The following RBM28 variants were observed in gnomAD, a reference collection of about 807,000 sequenced individuals.
RBM28 encodes RNA binding motif protein 28, also known as RNA-binding protein 28.
A neutral mutation model predicts 98.3 loss-of-function variants in RBM28; 78 were observed. The observed-to-expected ratio is 0.79, with a 90% confidence interval of 0.66 to 0.96. The LOEUF (loss-of-function observed/expected upper bound fraction) is 0.96, where lower values mean the gene tolerates loss of function less well. RBM28 is among the 40% of genes least tolerant of loss of function. RBM28 has a pLI of 0.00. For missense variants in RBM28, 838 were observed against 913.0 expected (o/e 0.92, Z 1.06); for synonymous variants, 306 against 330.9 (o/e 0.92, Z 0.82).
At chr7:128,323,431 C>T (rs1796279021) in intron 13 of RBM28, 96 bp downstream of exon 13, 1 of 1,416,808 alleles carries the variant, frequency 7.1e-7, no homozygotes, top group Non-Finnish European at 1.0e-6. Flanking sequence ...TGTGACCATA[C>T]TGGGCTCTTT....
intron 18 of RBM28, among the ~76,000 whole-genome samples, chr7:128,311,240 C>T (rs1025714974): frequency 6.6e-6 from 1 of 152,158 alleles, no homozygotes; most frequent in Non-Finnish European, 1.5e-5. Context: ...TGAGTCAGCA[C>T]AGAGTCCGGC....
rs563317392 is a variant in RBM28 at position 128,323,879 on chromosome 7, C to A, written c.1340-288G>T. ...CATGCCCAAAGTCAGAAAGAAAGGCCTAGAAGAAGTATGGAACATAAGTAC... is the reference window on the plus strand; with the variant it reads ...CATGCCCAAAGTCAGAAAGAAAGGCATAGAAGAAGTATGGAACATAAGTAC... On this transcript the variant is annotated intron_variant, in intron 12 of 18. Coordinates refer to ENST00000223073, the MANE Select transcript of RBM28 (RefSeq NM_018077.3). Among the ~76,000 whole-genome samples, 103 of 152,312 alleles carry A rather than the reference C, an allele frequency of 6.8e-4. 1 individual carries two copies. Among genetic ancestry groups the A allele is most frequent in the Admixed American group, 1.2e-3 (18 of 15,300 alleles).
chr7:128,326,235 C>T (rs113198790), intron 10 of RBM28, among the ~76,000 whole-genome samples: 2,112 of 4,304 alleles, frequency 0.49, 54 homozygotes, highest in African/African-American at 0.51. Context: ...ACCTGGGAGG[C>T]GGAGTTGCAG....
intron 18 of RBM28, among the ~76,000 whole-genome samples, chr7:128,311,780 T>C (rs1445824564): frequency 6.6e-6 from 1 of 152,240 alleles, no homozygotes; most frequent in African/African-American, 2.4e-5. Flanking sequence ...ATCAAGCATT[T>C]ATCCTGTCTT....
At chr7:128,326,358 A>G (rs1011165190) in intron 10 of RBM28, among the ~76,000 whole-genome samples, 2 of 151,864 alleles carry the variant, frequency 1.3e-5, no homozygotes, top group African/African-American at 4.8e-5. Flanking sequence ...CGTTTTGGTC[A>G]GTGACAGACT....
rs1008080973 is a variant in RBM28, at chr7:128,302,907, G to C, written c.*7890C>G. 2 of 152,202 alleles carry C rather than the reference G, an allele frequency of 1.3e-5. No homozygotes were observed. Among genetic ancestry groups the C allele is most frequent in the Non-Finnish European group, 2.9e-5 (2 of 68,162 alleles). The allele number at this position is 152,202 out of a possible 1,614,324, so 9.4% of individuals were successfully genotyped here. A position where few individuals can be genotyped will look rare whatever the true frequency, so the allele number is the denominator to read the frequency against. Reference sequence around the variant, plus strand: ...CCTGCCCCAGCCTCCCGAGCAGCTGGGACTACAGTGCACACCACCACACAA... The same window carrying C: ...CCTGCCCCAGCCTCCCGAGCAGCTGCGACTACAGTGCACACCACCACACAA... On this transcript the variant is annotated 3_prime_UTR_variant, in exon 19 of 19. Coordinates refer to ENST00000223073, the MANE Select transcript of RBM28 (RefSeq NM_018077.3).
In RBM28 at chr7:128,314,921, C is replaced by T. The variant is rs1350378531; in HGVS notation, c.1888G>A (p.Glu630Lys). 6.2e-7 allele frequency: 1 copy of T among 1,614,198 alleles called. No homozygotes were observed. Among genetic ancestry groups the T allele is most frequent in the Non-Finnish European group, 8.5e-7 (1 of 1,180,036 alleles). The change falls in exon 17 of 19, where the codon GAA becomes AAA. Residue 630 changes from glutamate to lysine, a missense_variant. Physicochemically the swap from Glu to Lys is moderately conservative, Grantham distance 56. Coordinates refer to ENST00000223073, the MANE Select transcript of RBM28 (RefSeq NM_018077.3). ...QQKAAQHHTE[E>K]QSKVPPEQKR... ...TGCTCTGGGGGCACCTTGCTTTGTT[C>T]CTCTGTGTGGTGTTGAGCTGCCTTC...
intron 13 of RBM28, 146 bp downstream of exon 13, chr7:128,323,381 C>T (rs564982268): frequency 3.4e-6 from 3 of 888,360 alleles, no homozygotes; most frequent in South Asian, 2.7e-5. Context: ...TGCTATTTCA[C>T]CTATGTGCTT....
Position 128,307,645 on chromosome 7 carries a change from T to C in RBM28, c.*3152A>G, listed in dbSNP as rs533676844. The C allele has an allele frequency of 6.6e-6, 1 of 152,236 alleles. No individual in the cohort carries two copies. Among genetic ancestry groups the C allele is most frequent in the East Asian group, 1.9e-4 (1 of 5,186 alleles). 9.4% of individuals were successfully genotyped at this position (152,236 alleles called of 1,614,324 possible). ...GAGCAGATTCTTAGAAACTACAAAC[T>C]AACCAACAAACAAACAAATAAGGCA... is the stretch of plus-strand genomic sequence containing the variant. On this transcript the variant is annotated 3_prime_UTR_variant, in exon 19 of 19. Coordinates refer to ENST00000223073, the MANE Select transcript of RBM28 (RefSeq NM_018077.3).
At position 128,309,820 on chromosome 7, in the gene RBM28, A is replaced by G. The variant is rs183379606; in HGVS notation, c.*977T>C. ...AAAACTCTCCAGGCAAAGGGAACGG[A>G]TACAAAGGCTCTGAGGTGGTCAAGA... On this transcript the variant is annotated 3_prime_UTR_variant, in exon 19 of 19. Transcript: ENST00000223073. The G allele has an allele frequency of 6.6e-6, 1 of 152,340 alleles. No homozygotes were observed. The highest frequency in any genetic ancestry group is 2.4e-5 in the African/African-American group (1 of 41,534). 9.4% of individuals were successfully genotyped at this position (152,340 alleles called of 1,614,324 possible).
At position 128,335,933 on chromosome 7, in the gene RBM28, ATCATCATCATCG is replaced by A. The variant is rs764256480; in HGVS notation, c.711_722del (p.Asp238_Asp241del). On this transcript the variant is annotated inframe_deletion, in exon 7 of 19. Coordinates refer to ENST00000223073, the MANE Select transcript of RBM28 (RefSeq NM_018077.3). ...CATCATCAAAAACCCCATCTTCTTC[ATCATCATCATCG>A]TCATCATCATCGTTTTCTTCCTCTT... The A allele has an allele frequency of 3.1e-6, 5 of 1,601,156 alleles. No individual in the cohort carries two copies. The East Asian group carries it at 1.1e-4, about 36-fold the overall frequency.
chr7:128,319,444 A>C (rs755446991), intron 14 of RBM28, among the ~76,000 whole-genome samples: 1 of 152,362 alleles, frequency 6.6e-6, no homozygotes, highest in Non-Finnish European at 1.5e-5. Context: ...CCTCCCCTAT[A>C]ACCAGTAACA....
chr7:128,337,298 T>C (rs2402890), intron 5 of RBM28, 96 bp from the exon 6 acceptor site: 83,722 of 1,250,090 alleles, frequency 0.067, 3,465 homozygotes, highest in African/African-American at 0.15. Flanking sequence ...ATGGAACCAG[T>C]GGAGACAAAG....
Position 128,325,888 on chromosome 7 carries a change from CA to C in RBM28, c.1132del (p.Cys378ValfsTer7), listed in dbSNP as rs1236411614. Reference sequence around the variant, plus strand: ...TTGAGTCATGAACTGGGCAAATGCACAACCTGCACAAGGAGACACAATTCAG... The same window carrying C: ...TTGAGTCATGAACTGGGCAAATGCACACCTGCACAAGGAGACACAATTCAG... ...LHPDTEHSKG[C>X]AFAQFMTQEA... On this transcript the variant is annotated frameshift_variant and splice_region_variant, in exon 11 of 19. Coordinates refer to ENST00000223073, the MANE Select transcript of RBM28 (RefSeq NM_018077.3). LOFTEE classifies it high-confidence loss of function. The C allele has an allele frequency of 6.2e-7, 1 of 1,613,262 alleles. No homozygotes were observed. The highest frequency in any genetic ancestry group is 1.1e-5 in the South Asian group (1 of 91,068).
At chr7:128,329,955 T>G (rs1019779346) in intron 10 of RBM28, among the ~76,000 whole-genome samples, 3 of 128,372 alleles carry the variant, frequency 2.3e-5, no homozygotes, top group African/African-American at 9.0e-5. Flanking sequence ...ATAGGTGAAA[T>G]CAAAGATTAT....
chr7:128,327,140 G>GAAAGA (rs150430125), intron 10 of RBM28, among the ~76,000 whole-genome samples: 6 of 151,792 alleles, frequency 4.0e-5, no homozygotes, highest in Admixed American at 2.6e-4. Flanking sequence ...TCAAAAAAAA[G>GAAAGA]AAAGAAAAGA....
At chr7:128,318,837 C>T (rs972153963) in intron 14 of RBM28, among the ~76,000 whole-genome samples, 3 of 152,046 alleles carry the variant, frequency 2.0e-5, no homozygotes, top group African/African-American at 7.3e-5. Context: ...GATCTTACAA[C>T]TGAAAAAAGC....
In RBM28 at chr7:128,310,821, C is replaced by G; in HGVS notation, c.2256G>C (p.Lys752Asn). 1 of 1,614,200 alleles carries G rather than the reference C, an allele frequency of 6.2e-7. No individual in the cohort carries two copies. Among genetic ancestry groups the G allele is most frequent in the Non-Finnish European group, 8.5e-7 (1 of 1,180,038 alleles). Residue 752 changes from lysine to asparagine, a missense_variant, in exon 19 of 19, where the codon AAG (lysine) becomes AAC (asparagine). Coordinates refer to ENST00000223073, the MANE Select transcript of RBM28 (RefSeq NM_018077.3). Reference protein sequence around the residue: ...LGPSKGAPLAKRSKWFDS With the variant: ...LGPSKGAPLANRSKWFDS ...ATCAACTATCAAACCATTTGCTCCT[C>G]TTTGCAAGAGGTGCTCCTTTAGAAG... is the stretch of plus-strand genomic sequence containing the variant.
Position 128,338,330 on chromosome 7 carries a change from C to T in RBM28, c.461G>A (p.Arg154His), listed in dbSNP as rs1382431698. 14 of 1,613,938 alleles carry T rather than the reference C, an allele frequency of 8.7e-6. No individual in the cohort carries two copies. The highest frequency in any genetic ancestry group is 3.3e-5 in the Admixed American group (2 of 60,024). ...NIPRKPDGKM[R>H]GFGFVQFKNL... The stretch of plus-strand genomic sequence containing the variant: ...TTTGAACTGAACAAAACCAAAACCG[C>T]GCATCTTCCCATCTGTGTGCAAATG... The change falls in exon 5 of 19, where the codon CGC becomes CAC. Residue 154 changes from arginine to histidine, a missense_variant. Transcript: ENST00000223073.
Sources: gnomAD v4.1 joint callset for allele counts (sites outside exome capture counted in the v4.1 genomes callset) on GRCh38, gnomAD v4.1.1 for gene constraint, MANE v1.5 for transcripts, NCBI Gene and HGNC (gene_info 2026-07-23, HGNC 2026-07-21) for gene names.